Variants in MAP7D1 observed in about 807,000 individuals in gnomAD.
The protein encoded by MAP7D1 is MAP7 domain-containing protein 1.
Under a neutral mutation model 97.5 loss-of-function variants are expected in MAP7D1, and 30 were observed. That is an observed-to-expected ratio of 0.31 (90% CI 0.23 to 0.42). The LOEUF is 0.42. MAP7D1 is among the 10% of genes least tolerant of loss of function. The pLI is 1.00. For missense variants in MAP7D1, 1,184 were observed against 1,179.5 expected, an observed-to-expected ratio of 1.00 and a Z score of -0.06; for synonymous variants, 536 against 477.1, an observed-to-expected ratio of 1.12 and a Z score of -1.61.
intron 1 of MAP7D1, among the ~76,000 whole-genome samples, chr1:36,169,786 C>T (rs1644517929): frequency 6.6e-6 from 1 of 152,102 alleles, no homozygotes; most frequent in East Asian, 1.9e-4. Flanking sequence ...TAGTGCCAGG[C>T]ACCTTGCTGA....
Position 36,180,362 on chromosome 1 carries a change from G to A in MAP7D1, c.*104G>A. The A allele has an allele frequency of 6.5e-7, 1 of 1,533,064 alleles. No individual in the cohort carries two copies. 95.0% of individuals were successfully genotyped at this position (1,533,064 alleles called of 1,614,324 possible). On this transcript the variant is annotated 3_prime_UTR_variant, in exon 17 of 17. Transcript: ENST00000474796. ...CAGAACAAAGATGGAAGTGGCCTGG[G>A]CCCCTGGGGGTGGGTCCTCTCTGTT...
Position 36,180,332 on chromosome 1 carries a change from A to G in MAP7D1, c.*74A>G. Reference sequence around the variant, plus strand: ...ACCTACCAGGATGTCTGGAGGAGAAAAAGACAGAACAAAGATGGAAGTGGC... The same window carrying G: ...ACCTACCAGGATGTCTGGAGGAGAAGAAGACAGAACAAAGATGGAAGTGGC... On this transcript the variant is annotated 3_prime_UTR_variant, in exon 17 of 17. Coordinates refer to ENST00000474796, the MANE Select transcript of MAP7D1 (RefSeq NM_001388490.1). The G allele has an allele frequency of 6.2e-7, 1 of 1,606,354 alleles. No homozygotes were observed. Among genetic ancestry groups the G allele is most frequent in the Non-Finnish European group, 8.5e-7 (1 of 1,173,000 alleles).
intron 2 of MAP7D1, 42 bp from the exon 3 acceptor site, chr1:36,171,457 TGACTCCTCTTTGGG>T: frequency 1.2e-6 from 2 of 1,600,926 alleles, no homozygotes; most frequent in Non-Finnish European, 1.7e-6. Context: ...GATCTGAGGC[TGACTCCTCTTTGGG>T]GACAGCCTTT....
chr1:36,173,025 G>A (rs1037327919), intron 4 of MAP7D1, among the ~76,000 whole-genome samples: 9 of 152,298 alleles, frequency 5.9e-5, no homozygotes, highest in African/African-American at 2.2e-4. Flanking sequence ...CAGGCTAGAG[G>A]GAACACATAG....
At chr1:36,164,903 A>G (rs937264085) in intron 1 of MAP7D1, among the ~76,000 whole-genome samples, 1 of 152,222 alleles carries the variant, frequency 6.6e-6, no homozygotes, top group African/African-American at 2.4e-5. Context: ...TCATTTCTTC[A>G]TTCAACAAAT....
In MAP7D1 at chr1:36,172,552, G is replaced by A; in HGVS notation, c.549G>A (p.Glu183=). 1 of 1,603,870 alleles carries A rather than the reference G, an allele frequency of 6.2e-7. No individual in the cohort carries two copies. Among genetic ancestry groups the A allele is most frequent in the Non-Finnish European group, 8.5e-7 (1 of 1,172,252 alleles). ...TCCAGGAGCGCCGGCGCCGGCTGGA[G>A]GAGCAACGTCTTAAAGCCGAGCAAC... ...KQLQERRRRL[E]EQRLKAEQRR... Residue 183 remains glutamate (E), a synonymous_variant, in exon 4 of 17, where the codon GAG becomes GAA. Coordinates refer to ENST00000474796, the MANE Select transcript of MAP7D1 (RefSeq NM_001388490.1).
chr1:36,180,520 G>T lies in MAP7D1; in HGVS notation c.*262G>T, dbSNP rs894447799. ...CACATATACACTCACAGCCTCTCTG[G>T]CCTCTTCCCTTGGGGAGGGGCCACC... On this transcript the variant is annotated 3_prime_UTR_variant, in exon 17 of 17. Coordinates refer to ENST00000474796, the MANE Select transcript of MAP7D1 (RefSeq NM_001388490.1). 14 of 546,540 alleles carry T rather than the reference G, an allele frequency of 2.6e-5. No homozygotes were observed. Among genetic ancestry groups the T allele is most frequent in the African/African-American group, 1.5e-4 (8 of 52,592 alleles). The allele number at this position is 546,540 out of a possible 1,614,324, so 33.9% of individuals were successfully genotyped here.
Position 36,179,540 on chromosome 1 carries a change from C to T in MAP7D1, c.2210C>T (p.Ala737Val). 1 of 1,573,708 alleles carries T rather than the reference C, an allele frequency of 6.4e-7. No individual in the cohort carries two copies. Among genetic ancestry groups the T allele is most frequent in the Non-Finnish European group, 8.6e-7 (1 of 1,158,466 alleles). Reference protein sequence around the residue: ...TKKQDSKEANANGSSPEPVKA... With the variant: ...TKKQDSKEANVNGSSPEPVKA... ...AAGCAGGACAGCAAGGAGGCCAACGCCAACGGTTCCAGCCCAGGTAAAGCC... is the reference window on the plus strand; with the variant it reads ...AAGCAGGACAGCAAGGAGGCCAACGTCAACGGTTCCAGCCCAGGTAAAGCC... Residue 737 changes from alanine to valine, a missense_variant, in exon 14 of 17, where the codon GCC (alanine) becomes GTC (valine). Coordinates refer to ENST00000474796, the MANE Select transcript of MAP7D1 (RefSeq NM_001388490.1).
intron 1 of MAP7D1, among the ~76,000 whole-genome samples, chr1:36,166,886 T>A (rs1644481062): frequency 6.6e-6 from 1 of 152,110 alleles, no homozygotes; most frequent in Non-Finnish European, 1.5e-5. Context: ...GCTGAGAGAT[T>A]AGACATGAGG....
chr1:36,157,057 G>A (rs2124191887), intron 1 of MAP7D1, among the ~76,000 whole-genome samples: 1 of 152,198 alleles, frequency 6.6e-6, no homozygotes, highest in South Asian at 2.1e-4. Context: ...AGAGAGGGAG[G>A]TCTCTAGCCG....
intron 4 of MAP7D1, among the ~76,000 whole-genome samples, chr1:36,172,884 C>T (rs1010879202): frequency 1.3e-5 from 2 of 152,230 alleles, no homozygotes; most frequent in Non-Finnish European, 2.9e-5. Flanking sequence ...TACATGTACC[C>T]CATGTGTCTG....
In MAP7D1 at chr1:36,177,986, G is replaced by A. The variant is rs1274861080; in HGVS notation, c.1493G>A (p.Arg498Gln). The A allele has an allele frequency of 1.9e-5, 30 of 1,610,896 alleles. No homozygotes were observed. Among genetic ancestry groups the A allele is most frequent in the Non-Finnish European group, 2.4e-5 (28 of 1,177,718 alleles). The change falls in exon 9 of 17, where the codon CGA (arginine) becomes CAA (glutamine). Residue 498 changes from arginine to glutamine, a missense_variant. Transcript: ENST00000474796. ...CTGCCTCCAAAGCCACCGTCCCCCC[G>A]AGGCACCACTGCATCCCCCAAGGGG... ...HTLPPKPPSPRGTTASPKGRV... is the reference protein window; with the variant it reads ...HTLPPKPPSPQGTTASPKGRV...
chr1:36,177,836 G>T, intron 8 of MAP7D1, 37 bp from the exon 9 acceptor site: 1 of 1,521,450 alleles, frequency 6.6e-7, no homozygotes, highest in East Asian at 2.3e-5. Context: ...GTGGGTGTGT[G>T]TGTCTCCTAA....
At position 36,173,345 on chromosome 1, in the gene MAP7D1, T is replaced by C. The variant is rs375879466; in HGVS notation, c.625-19T>C. On this transcript the variant is annotated intron_variant, in intron 4 of 16. Transcript: ENST00000474796. ...ATGTTCTGAGTCCACATCTCTCTCT[T>C]CTCCCCACCTTCCCCCAGGAGCGCT... 7.5e-6 allele frequency: 12 copies of C among 1,595,212 alleles called. No homozygotes were observed. The highest frequency in any genetic ancestry group is 1.7e-4 in the Middle Eastern group (1 of 6,048).
chr1:36,169,242 G>C (rs1015093143), intron 1 of MAP7D1, among the ~76,000 whole-genome samples: 2 of 139,924 alleles, frequency 1.4e-5, no homozygotes, highest in Non-Finnish European at 3.1e-5. Flanking sequence ...ACAGAGCAAG[G>C]CTCTGTCTTG....
chr1:36,168,601 C>T (rs963350078), intron 1 of MAP7D1, among the ~76,000 whole-genome samples: 5 of 152,028 alleles, frequency 3.3e-5, no homozygotes, highest in South Asian at 2.1e-4. Context: ...TGTCATGTAG[C>T]CTAGGAGTTG....
intron 8 of MAP7D1, 155 bp from the exon 9 acceptor site, chr1:36,177,718 C>G (rs1461906237): frequency 1.8e-6 from 2 of 1,121,974 alleles, no homozygotes; most frequent in Non-Finnish European, 1.2e-6. Context: ...GGGGTGTATG[C>G]TCTAAAAGGG....
At chr1:36,160,595 T>C (rs1302880222) in intron 1 of MAP7D1, among the ~76,000 whole-genome samples, 1 of 152,232 alleles carries the variant, frequency 6.6e-6, no homozygotes, top group Non-Finnish European at 1.5e-5. Context: ...TGAAATCACT[T>C]ACCTAAAGTC....
chr1:36,171,219 C>T lies in MAP7D1; in HGVS notation c.295C>T (p.Pro99Ser), dbSNP rs371468021. 1.3e-5 allele frequency: 21 copies of T among 1,612,444 alleles called. No individual in the cohort carries two copies. Among genetic ancestry groups the T allele is most frequent in the Admixed American group, 1.2e-4 (7 of 59,742 alleles). The change falls in exon 2 of 17, where the codon CCA (proline) becomes TCA (serine). Residue 99 changes from proline to serine, a missense_variant. Pro to Ser is a moderately conservative substitution (Grantham distance 74, BLOSUM62 -1). Coordinates refer to ENST00000474796, the MANE Select transcript of MAP7D1 (RefSeq NM_001388490.1). ...SEAKSRGPTP[P>S]AMGPRDARPP... The stretch of plus-strand genomic sequence containing the variant: ...AGCAAAGAGCAGAGGACCCACCCCA[C>T]CAGCCATGGGCCCACGGGATGCCAG...
Sources: gnomAD v4.1 joint callset for allele counts (sites outside exome capture counted in the v4.1 genomes callset) on GRCh38, gnomAD v4.1.1 for gene constraint, MANE v1.5 for transcripts, NCBI Gene and HGNC (gene_info 2026-07-23, HGNC 2026-07-21) for gene names.